POFUT1: variants seen among roughly 807,000 people sequenced by gnomAD.
POFUT1 encodes the protein protein O-fucosyltransferase 1.
A neutral mutation model predicts 42.4 loss-of-function variants in POFUT1; 16 were observed. The observed-to-expected ratio is 0.38, with a 90% CI of 0.26 to 0.57. The LOEUF (loss-of-function observed/expected upper bound fraction) is 0.57, where lower values mean the gene tolerates loss of function less well. Among genes scored for constraint, POFUT1 ranks in the 20% least tolerant of loss-of-function variants. POFUT1 has a pLI of 0.71. For synonymous variants in POFUT1, 206 were observed against 205.4 expected (o/e 1.00, Z -0.03); for missense variants, 470 against 504.6 (o/e 0.93, Z 0.66).
At chr20:32,225,346 T>C (rs574648649) in intron 4 of POFUT1, among the ~76,000 whole-genome samples, 120 of 151,272 alleles carry the variant, frequency 7.9e-4, no homozygotes, top group Middle Eastern at 3.4e-3. Flanking sequence ...CACCACGACG[T>C]GTGGCTAATT....
At chr20:32,210,836 A>G (rs1434483197) in intron 2 of POFUT1, among the ~76,000 whole-genome samples, 2 of 152,258 alleles carry the variant, frequency 1.3e-5, no homozygotes, top group African/African-American at 2.4e-5. Context: ...CTTAATTAGT[A>G]TTTGATGAAT....
At chr20:32,225,803 A>C (rs180960315) in intron 4 of POFUT1, among the ~76,000 whole-genome samples, 223 of 152,278 alleles carry the variant, frequency 1.5e-3, no homozygotes, top group Non-Finnish European at 2.1e-3. Context: ...TTGAAAAAAA[A>C]CAAAAACAAC....
chr20:32,230,464 G>A (rs1256557779), intron 5 of POFUT1, among the ~76,000 whole-genome samples: 1 of 151,626 alleles, frequency 6.6e-6, no homozygotes, highest in East Asian at 1.9e-4. Flanking sequence ...GGAGGCCAAG[G>A]TGGGTGGGTC....
intron 6 of POFUT1, among the ~76,000 whole-genome samples, chr20:32,231,536 G>A (rs953001076): frequency 8.5e-5 from 13 of 152,180 alleles, no homozygotes; most frequent in Non-Finnish European, 1.8e-4. Context: ...GTTGAATGAG[G>A]ATGTAGAGAG....
chr20:32,222,057 G>A (rs2047393478), intron 4 of POFUT1, among the ~76,000 whole-genome samples: 3 of 152,072 alleles, frequency 2.0e-5, no homozygotes, highest in African/African-American at 7.2e-5. Flanking sequence ...CAGCACTTTG[G>A]GAGGCAGAGG....
intron 5 of POFUT1, among the ~76,000 whole-genome samples, chr20:32,230,084 GT>G (rs1327991622): frequency 6.6e-6 from 1 of 151,106 alleles, no homozygotes; most frequent in African/African-American, 2.4e-5. Context: ...GGTCCTCAGT[GT>G]TTTCTTTAAA....
rs891754603 is a variant in POFUT1, at chr20:32,235,445, A to G, written c.*784A>G. On this transcript the variant is annotated 3_prime_UTR_variant, in exon 7 of 7. Coordinates refer to ENST00000375749, the MANE Select transcript of POFUT1 (RefSeq NM_015352.2). ...GGTTGATGGCCACTGCAAACCTGGC[A>G]CCATCAGATCTCTTCTGATCTCTTG... 10 of 152,244 alleles carry G rather than the reference A, an allele frequency of 6.6e-5. No homozygotes were observed. Among genetic ancestry groups the G allele is most frequent in the African/African-American group, 2.4e-4 (10 of 41,462 alleles). The allele number at this position is 152,244 out of a possible 1,614,324, so 9.4% of individuals were successfully genotyped here. A position where few individuals can be genotyped will look rare whatever the true frequency, so the allele number is the denominator to read the frequency against.
Position 32,230,914 on chromosome 20 carries a change from C to G in POFUT1, c.831C>G (p.Pro277=), listed in dbSNP as rs1461608731. 4.3e-6 allele frequency: 7 copies of G among 1,614,208 alleles called. No homozygotes were observed. In the East Asian group the frequency reaches 1.6e-4, roughly 36 times the overall value. Reference sequence around the variant, plus strand: ...GCTACAGCCGCAGCACAGCGGCCCCCCTCACGATGACTATGTGCCTGCCTG... The same window carrying G: ...GCTACAGCCGCAGCACAGCGGCCCCGCTCACGATGACTATGTGCCTGCCTG... ...CVGYSRSTAA[P]LTMTMCLPDL... Residue 277 remains proline (P), a synonymous_variant, in exon 6 of 7, where the codon CCC becomes CCG. Transcript: ENST00000375749.
intron 6 of POFUT1, among the ~76,000 whole-genome samples, chr20:32,232,342 GA>G (rs1285210555): frequency 6.6e-6 from 1 of 151,864 alleles, no homozygotes; most frequent in Non-Finnish European, 1.5e-5. Flanking sequence ...AAAAGCAGAA[GA>G]AAAATATAAT....
chr20:32,228,171 G>A, intron 4 of POFUT1, 92 bp from the exon 5 acceptor site: 1 of 1,018,290 alleles, frequency 9.8e-7, no homozygotes, highest in Non-Finnish European at 1.4e-6. Flanking sequence ...AGGGTCTCTG[G>A]GGCATGGTGC....
chr20:32,208,210 T>G (rs1173251174), intron 1 of POFUT1, 145 bp downstream of exon 1: 2 of 852,518 alleles, frequency 2.3e-6, no homozygotes, highest in East Asian at 3.0e-5. Context: ...CCTCTCTGCC[T>G]TAGTTGCAAG....
At chr20:32,213,455 C>CAA (rs550266377) in intron 2 of POFUT1, among the ~76,000 whole-genome samples, 1 of 123,890 alleles carries the variant, frequency 8.1e-6, no homozygotes. Flanking sequence ...GACTCCATCT[C>CAA]AAAAAAAAAA....
chr20:32,231,428 A>C, intron 6 of POFUT1: 1 of 295,948 alleles, frequency 3.4e-6, no homozygotes, highest in Non-Finnish European at 6.6e-6. Context: ...ACATTCCTTG[A>C]TGTCTAGCCT....
chr20:32,213,354 G>A (rs1214067631), intron 2 of POFUT1, among the ~76,000 whole-genome samples: 1 of 151,208 alleles, frequency 6.6e-6, no homozygotes, highest in African/African-American at 2.4e-5. Flanking sequence ...TATTCAGGAG[G>A]CTGAGGCAGA....
At position 32,216,731 on chromosome 20, in the gene POFUT1, G is replaced by A; in HGVS notation, c.542+10G>A. Reference sequence around the variant, plus strand: ...AACAATGGAGCCAGAGGTACTTGGAGGGGGTAGCGTTTCTGGGTTTAGGGG... The same window carrying A: ...AACAATGGAGCCAGAGGTACTTGGAAGGGGTAGCGTTTCTGGGTTTAGGGG... On this transcript the variant is annotated intron_variant, in intron 4 of 6. Transcript: ENST00000375749. 1 of 1,581,506 alleles carries A rather than the reference G, an allele frequency of 6.3e-7. No individual in the cohort carries two copies. The highest frequency in any genetic ancestry group is 1.1e-5 in the South Asian group (1 of 90,428).
At chr20:32,209,985 C>T in intron 1 of POFUT1, 86 bp from the exon 2 acceptor site, 1 of 1,494,574 alleles carries the variant, frequency 6.7e-7, no homozygotes, top group South Asian at 1.2e-5. Context: ...ACTTTCTACC[C>T]CTGGCTCCAC....
intron 4 of POFUT1, among the ~76,000 whole-genome samples, chr20:32,227,032 A>C (rs902027357): frequency 1.3e-5 from 2 of 152,128 alleles, no homozygotes; most frequent in Non-Finnish European, 2.9e-5. Flanking sequence ...GGCTGTTCCC[A>C]TTTCATACTT....
chr20:32,216,747 G>A, intron 4 of POFUT1, 26 bp downstream of exon 4: 1 of 1,524,722 alleles, frequency 6.6e-7, no homozygotes, highest in Non-Finnish European at 9.1e-7. Flanking sequence ...AGCGTTTCTG[G>A]GTTTAGGGGA....
At chr20:32,217,619 C>T in intron 4 of POFUT1, 8 of 985,872 alleles carry the variant, frequency 8.1e-6, no homozygotes, top group Non-Finnish European at 9.6e-6. Flanking sequence ...CTCAGCAAAA[C>T]AAAACAAGCA....
Sources: gnomAD v4.1 joint callset for allele counts (sites outside exome capture counted in the v4.1 genomes callset) on GRCh38, gnomAD v4.1.1 for gene constraint, MANE v1.5 for transcripts, NCBI Gene and HGNC (gene_info 2026-07-23, HGNC 2026-07-21) for gene names.